ADAP1: variants seen among roughly 807,000 people sequenced by gnomAD.
ADAP1 encodes arf-GAP with dual PH domain-containing protein 1.
In ADAP1, 31 loss-of-function variants were observed where a neutral mutation model predicts 54.9. The observed-to-expected ratio is 0.56, with a 90% CI of 0.42 to 0.76. ADAP1 has a LOEUF of 0.76. Ranked by LOEUF, ADAP1 falls within the 30% of genes least tolerant of loss-of-function variation. The probability of loss-of-function intolerance (pLI) is 0.00; values close to 1 mark genes in which losing one functional copy is unlikely to be tolerated. For missense variants in ADAP1, 535 were observed against 512.4 expected (o/e 1.04, Z -0.42); for synonymous variants, 313 against 202.6 (o/e 1.55, Z -4.63).
chr7:935,397 G>C lies in ADAP1; in HGVS notation c.191C>G (p.Ala64Gly). The change falls in exon 2 of 11, where the codon GCC becomes GGC. Residue 64 changes from alanine (A) to glycine (G), a missense_variant. Physicochemically the swap from Ala to Gly is moderately conservative, Grantham distance 60. Transcript: ENST00000265846. ...VSKVKSVRLD[A>G]WEEAQVEFMA... The stretch of plus-strand genomic sequence containing the variant: ...TACCTCCACTTGGGCCTCCTCCCAG[G>C]CGTCCAGGCGGACGGACTTCACCTT... 1 of 1,560,666 alleles carries C rather than the reference G, an allele frequency of 6.4e-7. No individual in the cohort carries two copies. The highest frequency in any genetic ancestry group is 8.7e-7 in the Non-Finnish European group (1 of 1,152,118).
intron 1 of ADAP1, among the ~76,000 whole-genome samples, chr7:949,157 C>G (rs1442223422): frequency 7.9e-5 from 12 of 152,260 alleles, no homozygotes; most frequent in Admixed American, 7.8e-4. Context: ...GCAAGGCACT[C>G]AGTACATGTG....
chr7:898,454 CAATA>C lies in ADAP1; in HGVS notation c.*463_*466del, dbSNP rs1844611353. ...AGCCCCGTGACACACAACAGGCGCT[CAATA>C]AATAGTCGTGGAGGTGGGGGGAGGG... On this transcript the variant is annotated 3_prime_UTR_variant, in exon 11 of 11. Transcript: ENST00000265846. The C allele has an allele frequency of 4.3e-6, 1 of 232,420 alleles. No individual in the cohort carries two copies. Among genetic ancestry groups the C allele is most frequent in the Non-Finnish European group, 8.6e-6 (1 of 115,712 alleles). The allele number at this position is 232,420 out of a possible 1,614,324, so 14.4% of individuals were successfully genotyped here. A position where few individuals can be genotyped will look rare whatever the true frequency, so the allele number is the denominator to read the frequency against.
At chr7:943,861 G>A (rs1847072567) in intron 1 of ADAP1, among the ~76,000 whole-genome samples, 1 of 151,174 alleles carries the variant, frequency 6.6e-6, no homozygotes, top group Admixed American at 6.6e-5. Flanking sequence ...AGGGAGAGAG[G>A]AGGAGGAAGA....
At position 920,805 on chromosome 7, in the gene ADAP1, G is replaced by T; in HGVS notation, c.306-755C>A. ...TCACTCGAGTGAAGCCAATACCATT[G>T]CAGAAACCACGACCCACACACAGGC... On this transcript the variant is annotated intron_variant, in intron 3 of 10. Transcript: ENST00000265846. This position sits in a 1 kb window ranked among gnomAD's most constrained non-coding sequence, Gnocchi z 4.5. 1 of 1,550,096 alleles carries T rather than the reference G, an allele frequency of 6.5e-7. No homozygotes were observed.
intron 2 of ADAP1, among the ~76,000 whole-genome samples, chr7:930,069 C>A (rs1291163788): frequency 1.4e-5 from 2 of 143,688 alleles, no homozygotes. Context: ...GAGCCACTGC[C>A]CTCCAGCCTG....
chr7:952,486 C>T (rs1368319115), intron 1 of ADAP1, among the ~76,000 whole-genome samples: 1 of 152,184 alleles, frequency 6.6e-6, no homozygotes, highest in African/African-American at 2.4e-5. Flanking sequence ...ACAGGAGGCC[C>T]CAGAGCAGCT....
At chr7:917,820 G>C (rs1845997718) in intron 4 of ADAP1, among the ~76,000 whole-genome samples, 1 of 152,122 alleles carries the variant, frequency 6.6e-6, no homozygotes, top group Non-Finnish European at 1.5e-5. Flanking sequence ...GTCCAGGCTG[G>C]AGTGTAGTGG....
At chr7:904,628 G>C (rs544278170) in intron 5 of ADAP1, among the ~76,000 whole-genome samples, 1 of 152,340 alleles carries the variant, frequency 6.6e-6, no homozygotes, top group East Asian at 1.9e-4. Context: ...CAGGGCGGGT[G>C]CTTCTGACCA....
Position 954,385 on chromosome 7 carries a change from C to A in ADAP1, c.82+11G>T. On this transcript the variant is annotated intron_variant, in intron 1 of 10. Transcript: ENST00000265846. ...CCCACCCGGCCCCGCGCCCACCCGG[C>A]CCACACCTACCCGGGGCGCCGCAGT... 9.0e-7 allele frequency: 1 copy of A among 1,107,078 alleles called. No individual in the cohort carries two copies. Among genetic ancestry groups the A allele is most frequent in the Non-Finnish European group, 1.1e-6 (1 of 901,942 alleles). The allele number at this position is 1,107,078 out of a possible 1,614,324, so 68.6% of individuals were successfully genotyped here.
chr7:905,413 GAGAAAGAGAAAGGAGAAAGGA>G (rs1845120438), intron 4 of ADAP1: 1 of 150,970 alleles, frequency 6.6e-6, no homozygotes, highest in African/African-American at 1.3e-4. Context: ...AGGAGAAAGG[GAGAAAGAGAAAGGAGAAAGGA>G]GAAAGGGAGA....
intron 4 of ADAP1, among the ~76,000 whole-genome samples, chr7:912,274 G>T (rs1226129417): frequency 6.6e-6 from 1 of 151,868 alleles, no homozygotes; most frequent in Non-Finnish European, 1.5e-5. Flanking sequence ...CTGGCCCTCA[G>T]GACAACATGA....
At chr7:954,702 C>T, upstream of ADAP1, 2 of 981,598 alleles carry the variant, frequency 2.0e-6, no homozygotes, top group Non-Finnish European at 2.4e-6. Context: ...GCCCGGGGCG[C>T]ACGCTGCGCT....
intron 4 of ADAP1, among the ~76,000 whole-genome samples, chr7:914,802 A>T (rs1038740700): frequency 6.6e-6 from 1 of 151,820 alleles, no homozygotes; most frequent in Non-Finnish European, 1.5e-5. Context: ...TGGAGCACAG[A>T]CAGTCACCGC....
rs749698862 is a variant in ADAP1, at chr7:899,247, TC to T, written c.881del (p.Arg294GlnfsTer110). On this transcript the variant is annotated frameshift_variant, in exon 10 of 11. Coordinates refer to ENST00000265846, the MANE Select transcript of ADAP1 (RefSeq NM_006869.4). LOFTEE classifies it high-confidence loss of function. ...CCTTGCTGCCAATGAAGACTTCCCC[TC>T]GGGCGAAGGCGTCCTGTGGGTGGGG... ...YFKDPLDAFA[R>X]GEVFIGSKES... The T allele has an allele frequency of 1.2e-6, 2 of 1,612,724 alleles. No homozygotes were observed. The highest frequency in any genetic ancestry group is 1.7e-6 in the Non-Finnish European group (2 of 1,179,932).
intron 8 of ADAP1, 143 bp downstream of exon 8, chr7:899,959 C>T: frequency 9.7e-7 from 1 of 1,029,500 alleles, no homozygotes; most frequent in Non-Finnish European, 1.5e-6. Context: ...GGGACCCCGG[C>T]CAGGCACAGA....
chr7:941,451 T>C (rs1019274689), intron 1 of ADAP1, among the ~76,000 whole-genome samples: 3 of 152,222 alleles, frequency 2.0e-5, no homozygotes, highest in African/African-American at 7.2e-5. Context: ...CTAACAAGTT[T>C]AGCAAGGTTG....
chr7:905,911 GAA>G (rs1261311976), intron 4 of ADAP1, among the ~76,000 whole-genome samples: 35 of 1,352 alleles, frequency 0.026, 3 homozygotes, highest in Admixed American at 0.075. Context: ...AGGAGAAAGG[GAA>G]AGGAGAAAGG....
chr7:925,054 G>A (rs186891539), intron 3 of ADAP1, among the ~76,000 whole-genome samples: 83 of 152,142 alleles, frequency 5.5e-4, no homozygotes, highest in Non-Finnish European at 1.1e-3. Flanking sequence ...GCCAGCCTCG[G>A]CCTTCTCAGT....
Position 904,285 on chromosome 7 carries a change from G to T in ADAP1, c.502-13C>A, listed in dbSNP as rs776965682. On this transcript the variant is annotated splice_polypyrimidine_tract_variant and intron_variant, in intron 5 of 10. Transcript: ENST00000265846. ...TGGGCTCCTTGGCCTGAGAAGGGGT[G>T]GGGTCTAAGCACCTCACAGGGGCCG... 4 of 1,578,560 alleles carry T rather than the reference G, an allele frequency of 2.5e-6. No individual in the cohort carries two copies. Among genetic ancestry groups the T allele is most frequent in the Admixed American group, 3.5e-5 (2 of 57,722 alleles).
Sources: allele counts gnomAD v4.1 joint callset (sites outside exome capture counted in the v4.1 genomes callset), GRCh38; gene constraint gnomAD v4.1.1; non-coding constraint Gnocchi (gnomAD v3.1); transcripts MANE v1.5; gene names NCBI Gene and HGNC (gene_info 2026-07-23, HGNC 2026-07-21).